Variants in TYW1B observed in about 807,000 individuals in gnomAD.
TYW1B encodes the protein S-adenosyl-L-methionine-dependent tRNA 4-demethylwyosine synthase TYW1B.
In TYW1B, 73 loss-of-function variants were observed where a neutral mutation model predicts 86.9. The ratio of observed to expected loss-of-function variants is 0.84; its 90% CI spans 0.70 to 1.02. The LOEUF is 1.02. Among genes scored for constraint, TYW1B ranks in the 50% least tolerant of loss-of-function variants. The pLI, the probability that TYW1B is intolerant of heterozygous loss-of-function variation, is 0.00. For synonymous variants in TYW1B, 248 were observed against 292.8 expected, an observed-to-expected ratio of 0.85 and a Z score of 1.56; for missense variants, 637 against 827.4, an observed-to-expected ratio of 0.77 and a Z score of 2.82.
At chr7:72,653,185 T>C (rs1296729576) in intron 11 of TYW1B, among the ~76,000 whole-genome samples, 1 of 151,980 alleles carries the variant, frequency 6.6e-6, no homozygotes, top group African/African-American at 2.4e-5. Context: ...ATAAAATAGG[T>C]AAGAGAAAAC....
intron 13 of TYW1B, among the ~76,000 whole-genome samples, chr7:72,581,777 G>C (rs547731957): frequency 6.6e-6 from 1 of 151,250 alleles, no homozygotes; most frequent in Admixed American, 6.6e-5. Context: ...AAAGAGGCTG[G>C]GGGCAGTGGC....
In TYW1B at chr7:72,575,694, G is replaced by A; in HGVS notation, c.1811C>T (p.Thr604Ile). The A allele has an allele frequency of 1.2e-6, 2 of 1,608,560 alleles. No homozygotes were observed. The highest frequency in any genetic ancestry group is 1.7e-6 in the Non-Finnish European group (2 of 1,176,960). Residue 604 changes from threonine (T) to isoleucine (I), a missense_variant, in exon 14 of 14, where the codon ACA becomes ATA. Physicochemically the swap from Thr to Ile is moderately conservative, Grantham distance 89. Transcript: ENST00000620995. ...CTGGAAGCGGTTATAATCGATCCATGTCCACCATTCACCACCAATTTTAAA... is the reference window on the plus strand; with the variant it reads ...CTGGAAGCGGTTATAATCGATCCATATCCACCATTCACCACCAATTTTAAA... Reference protein sequence around the residue: ...RKFKIGGEWWTWIDYNRFQEL... With the variant: ...RKFKIGGEWWIWIDYNRFQEL...
intron 12 of TYW1B, among the ~76,000 whole-genome samples, chr7:72,626,745 A>G (rs879975083): frequency 4.3e-4 from 66 of 152,078 alleles, no homozygotes; most frequent in African/African-American, 1.6e-3. Flanking sequence ...ACTGCTCTCC[A>G]GCCCTAGTCC....
At chr7:72,724,333 C>T (rs1326026668) in intron 9 of TYW1B, among the ~76,000 whole-genome samples, 4 of 152,074 alleles carry the variant, frequency 2.6e-5, no homozygotes, top group Admixed American at 6.6e-5. Context: ...TTAGCTGAAG[C>T]GCGGTAGCAT....
chr7:72,741,523 C>T (rs71553278), intron 8 of TYW1B, among the ~76,000 whole-genome samples: 104,935 of 152,014 alleles, frequency 0.69, 37,187 homozygotes, highest in Non-Finnish European at 0.77. Flanking sequence ...CCAACATATG[C>T]ATAATAAAAG....
chr7:72,726,011 T>C (rs1786992412), intron 9 of TYW1B, among the ~76,000 whole-genome samples: 1 of 152,118 alleles, frequency 6.6e-6, no homozygotes, highest in Non-Finnish European at 1.5e-5. Flanking sequence ...GACACATAGC[T>C]TACTTGAAGA....
chr7:72,595,757 A>G (rs1811516811), intron 13 of TYW1B, among the ~76,000 whole-genome samples: 1 of 152,214 alleles, frequency 6.6e-6, no homozygotes, highest in Non-Finnish European at 1.5e-5. Flanking sequence ...AATACTTCAA[A>G]TTAAATTTAA....
chr7:72,714,687 G>A lies in TYW1B; in HGVS notation c.1193-889C>T, dbSNP rs1786744311. On this transcript the variant is annotated intron_variant, in intron 9 of 13. Transcript: ENST00000620995. The stretch of plus-strand genomic sequence containing the variant: ...AATCCCAGCACTTTGGGAGGCCAAG[G>A]TGGGCAGATCACTTGAGGTCAGGAG... Among the ~76,000 whole-genome samples the A allele has an allele frequency of 2.6e-5, 4 of 152,250 alleles. No individual in the cohort carries two copies. The South Asian group carries it at 8.3e-4, about 32-fold the overall frequency.
rs182524340 is a variant in TYW1B at position 72,658,397 on chromosome 7, T to A, written c.1507-29400A>T. On this transcript the variant is annotated intron_variant, in intron 11 of 13. Transcript: ENST00000620995. ...TTGTTACACAAACAAAAAAAGCAAC[T>A]TGTAGGCAGTATGCAAAGCACGATC... Among the ~76,000 whole-genome samples the A allele has an allele frequency of 2.2e-4, 34 of 152,134 alleles. No individual in the cohort carries two copies. In the East Asian group the frequency reaches 6.4e-3, roughly 29 times the overall value.
At position 72,581,895 on chromosome 7, in the gene TYW1B, G is replaced by A. The variant is rs570903845; in HGVS notation, c.1786-6176C>T. ...AGATTCTCCTGCCTCAGCCTCCAGG[G>A]TAGCTGGGACTACAGGCACACGCCA... On this transcript the variant is annotated intron_variant, in intron 13 of 13. Coordinates refer to ENST00000620995, the MANE Select transcript of TYW1B (RefSeq NM_001145440.3). 2.6e-5 allele frequency among the ~76,000 whole-genome samples: 4 copies of A among 151,956 alleles called. No individual in the cohort carries two copies. The South Asian group carries it at 8.4e-4, about 32-fold the overall frequency.
chr7:72,768,786 C>CAAA (rs35836607), intron 7 of TYW1B: 3,864 of 134,870 alleles, frequency 0.029, 95 homozygotes, highest in Non-Finnish European at 0.043. Flanking sequence ...GACTCCATCT[C>CAAA]AAAAAAAAAA....
chr7:72,825,663 G>T (rs1788917355), intron 2 of TYW1B, among the ~76,000 whole-genome samples: 1 of 152,192 alleles, frequency 6.6e-6, no homozygotes, highest in Admixed American at 6.6e-5. Flanking sequence ...GGGTGACAGA[G>T]TGAGACTCTG....
intron 12 of TYW1B, among the ~76,000 whole-genome samples, chr7:72,627,289 A>T (rs1161923002): frequency 1.3e-5 from 2 of 152,026 alleles, no homozygotes; most frequent in African/African-American, 4.8e-5. Context: ...CTCTACTAAA[A>T]ATAGAAAAAT....
At chr7:72,676,756 C>T (rs1554447506) in intron 11 of TYW1B, among the ~76,000 whole-genome samples, 3 of 152,116 alleles carry the variant, frequency 2.0e-5, no homozygotes, top group African/African-American at 7.2e-5. Flanking sequence ...GCCAGGAGTT[C>T]AAGACCAGCC....
rs35656387 is a variant in TYW1B, at chr7:72,749,912, G to GTTT, written c.965-5314_965-5312dup. ...CATTAATTCTATGTTGGTTTTTTTT[G>GTTT]TTTTTTTTTTTTTTTTGAGACAAGG... On this transcript the variant is annotated intron_variant, in intron 7 of 13. Coordinates refer to ENST00000620995, the MANE Select transcript of TYW1B (RefSeq NM_001145440.3). Among the ~76,000 whole-genome samples the GTTT allele has an allele frequency of 2.7e-3, 317 of 118,986 alleles. 4 individuals are homozygous for GTTT. Among genetic ancestry groups the GTTT allele is most frequent in the African/African-American group, 6.5e-3 (199 of 30,800 alleles). The allele number at this position is 118,986 out of a possible 152,430, so 78.1% of individuals were successfully genotyped here. A position where few individuals can be genotyped will look rare whatever the true frequency, so the allele number is the denominator to read the frequency against.
At chr7:72,637,097 CT>C (rs1386130990) in intron 11 of TYW1B, among the ~76,000 whole-genome samples, 1 of 151,958 alleles carries the variant, frequency 6.6e-6, no homozygotes, top group Non-Finnish European at 1.5e-5. Flanking sequence ...GCACTCCAGC[CT>C]GGGCAATAAG....
chr7:72,813,385 A>G (rs534748119), intron 3 of TYW1B, among the ~76,000 whole-genome samples: 132 of 152,236 alleles, frequency 8.7e-4, no homozygotes, highest in Non-Finnish European at 1.5e-3. Flanking sequence ...CATGTTGGCC[A>G]GGCTGGTCTC....
chr7:72,747,129 C>G (rs1787409365), intron 7 of TYW1B, among the ~76,000 whole-genome samples: 1 of 152,162 alleles, frequency 6.6e-6, no homozygotes, highest in Admixed American at 6.5e-5. Flanking sequence ...TGTCCCCACT[C>G]AAATCTCAAC....
At chr7:72,632,225 C>T (rs1348966448) in intron 11 of TYW1B, among the ~76,000 whole-genome samples, 3 of 142,808 alleles carry the variant, frequency 2.1e-5, no homozygotes, top group Non-Finnish European at 4.5e-5. Context: ...TACCAACGCA[C>T]TCCAGCCTGG....
Sources: allele counts gnomAD v4.1 joint callset (sites outside exome capture counted in the v4.1 genomes callset), GRCh38; gene constraint gnomAD v4.1.1; transcripts MANE v1.5; gene names NCBI Gene and HGNC (gene_info 2026-07-23, HGNC 2026-07-21).